The following ZNF730 variants were observed in gnomAD, a reference collection of about 807,000 sequenced individuals.
ZNF730 encodes putative zinc finger protein 730.
A neutral mutation model predicts 12.6 loss-of-function variants in ZNF730; 12 were observed. The ratio of observed to expected loss-of-function variants is 0.95; its 90% CI spans 0.61 to 1.54. ZNF730 has a LOEUF of 1.54. ZNF730 is among the 40% of genes most tolerant of loss of function. The pLI, the probability that ZNF730 is intolerant of heterozygous loss-of-function variation, is 0.00. For synonymous variants in ZNF730, 194 were observed against 195.8 expected (o/e 0.99, Z 0.08); for missense variants, 643 against 583.5 (o/e 1.10, Z -1.05).
At chr19:23,116,677 C>A (rs1448981389), upstream of ZNF730, among the ~76,000 whole-genome samples, 3 of 151,600 alleles carry the variant, frequency 2.0e-5, no homozygotes, top group African/African-American at 7.3e-5. Context: ...CGCCTCGGCC[C>A]CCCAAAGTGC....
At chr19:23,118,026 A>C (rs1357200624) in intron 1 of ZNF730, among the ~76,000 whole-genome samples, 1 of 152,094 alleles carries the variant, frequency 6.6e-6, no homozygotes, top group African/African-American at 2.4e-5. Flanking sequence ...TCTACCCCTC[A>C]ACCCCCATTC....
chr19:23,120,523 C>T (rs898684524), intron 1 of ZNF730, among the ~76,000 whole-genome samples: 3 of 151,690 alleles, frequency 2.0e-5, no homozygotes, highest in African/African-American at 7.2e-5. Context: ...GGTAATGTCG[C>T]TTTTGTCATT....
Position 23,146,780 on chromosome 19 carries a change from G to C in ZNF730, c.*224G>C. ...AATCTTCACACCTTACTACACATAA[G>C]ATAATTCATACTGGAGAGAAACCCT... On this transcript the variant is annotated 3_prime_UTR_variant, in exon 4 of 4. Transcript: ENST00000597761. 2.0e-6 allele frequency: 2 copies of C among 1,004,660 alleles called. No individual in the cohort carries two copies. The highest frequency in any genetic ancestry group is 3.4e-5 in the Admixed American group (2 of 58,188). 62.2% of individuals were successfully genotyped at this position (1,004,660 alleles called of 1,614,324 possible). A position where few individuals can be genotyped will look rare whatever the true frequency, so the allele number is the denominator to read the frequency against.
At chr19:23,105,984 A>C (rs1207455484) in intron 1 of ZNF730, among the ~76,000 whole-genome samples, 1 of 152,254 alleles carries the variant, frequency 6.6e-6, no homozygotes, top group African/African-American at 2.4e-5. Flanking sequence ...GCATTGTAGA[A>C]AAAGAAAGTT....
intron 1 of ZNF730, among the ~76,000 whole-genome samples, chr19:23,107,449 CAA>C (rs57120684): frequency 4.2e-3 from 199 of 47,324 alleles, no homozygotes; most frequent in Admixed American, 9.0e-3. Context: ...AAAAAAATAC[CAA>C]AAAAAAAAAA....
chr19:23,106,581 C>G (rs918589565), intron 1 of ZNF730, among the ~76,000 whole-genome samples: 1 of 151,902 alleles, frequency 6.6e-6, no homozygotes, highest in Admixed American at 6.6e-5. Flanking sequence ...CACCTGAGGT[C>G]GAGAATTTGA....
intron 1 of ZNF730, chr19:23,127,164 C>T (rs1224759504): frequency 5.6e-6 from 3 of 536,926 alleles, no homozygotes; most frequent in South Asian, 1.6e-5. Context: ...TTTGTTCATG[C>T]TCAAAGAAAT....
chr19:23,091,056 C>T (rs1209700860), intron 1 of ZNF730, among the ~76,000 whole-genome samples: 2 of 151,878 alleles, frequency 1.3e-5, no homozygotes, highest in African/African-American at 2.4e-5. Flanking sequence ...CCCAGGGTCC[C>T]CATGCTGTGT....
intron 1 of ZNF730, among the ~76,000 whole-genome samples, chr19:23,108,804 C>T (rs554387688): frequency 4.4e-4 from 67 of 152,188 alleles, no homozygotes; most frequent in African/African-American, 1.5e-3. Context: ...GGCTGGAGCA[C>T]GGTGGTGCGA....
chr19:23,085,691 T>G (rs1222646586), intron 1 of ZNF730, among the ~76,000 whole-genome samples: 4 of 150,474 alleles, frequency 2.7e-5, no homozygotes, highest in Non-Finnish European at 5.9e-5. Flanking sequence ...TTTTTTTGTA[T>G]TTTTAGTAGA....
chr19:23,139,279 A>T (rs1398439039), intron 3 of ZNF730, among the ~76,000 whole-genome samples: 1 of 152,156 alleles, frequency 6.6e-6, no homozygotes, highest in African/African-American at 2.4e-5. Flanking sequence ...CTTTGCTTCT[A>T]AGCTTGGATT....
upstream of ZNF730, among the ~76,000 whole-genome samples, chr19:23,114,469 G>C (rs1459213229): frequency 6.8e-6 from 1 of 147,480 alleles, no homozygotes; most frequent in Non-Finnish European, 1.5e-5. Flanking sequence ...ATCACACCCG[G>C]CTAATTTTTT....
upstream of ZNF730, among the ~76,000 whole-genome samples, chr19:23,112,381 G>A (rs1287524199): frequency 6.6e-6 from 1 of 152,110 alleles, no homozygotes; most frequent in Admixed American, 6.6e-5. Flanking sequence ...TATATGTAGA[G>A]AATTTTGCAG....
At chr19:23,091,979 T>C (rs1970167281) in intron 1 of ZNF730, among the ~76,000 whole-genome samples, 1 of 152,136 alleles carries the variant, frequency 6.6e-6, no homozygotes, top group Non-Finnish European at 1.5e-5. Context: ...CCCATTCAAA[T>C]CTCAACTTGA....
intron 1 of ZNF730, among the ~76,000 whole-genome samples, chr19:23,107,472 A>AAAC (rs1387541036): frequency 1.3e-5 from 2 of 149,794 alleles, no homozygotes; most frequent in African/African-American, 4.9e-5. Flanking sequence ...AAAAAAAAAA[A>AAAC]AAACCACCAC....
chr19:23,102,087 ATC>A (rs1407109320), intron 1 of ZNF730, among the ~76,000 whole-genome samples: 1 of 152,090 alleles, frequency 6.6e-6, no homozygotes, highest in Non-Finnish European at 1.5e-5. Context: ...CTTGTGACAT[ATC>A]TCTGCATCAG....
chr19:23,119,992 C>CTTTTTTTTT (rs539722897), intron 1 of ZNF730, among the ~76,000 whole-genome samples: 1 of 132,580 alleles, frequency 7.5e-6, no homozygotes, highest in Non-Finnish European at 1.6e-5. Context: ...CACTTTCTTT[C>CTTTTTTTTT]TTTTTTTTTT....
intron 1 of ZNF730, among the ~76,000 whole-genome samples, chr19:23,107,514 A>G (rs906308161): frequency 7.1e-6 from 1 of 139,896 alleles, no homozygotes. Context: ...TTTAAAGTAG[A>G]GACAGGGTCT....
intron 1 of ZNF730, among the ~76,000 whole-genome samples, chr19:23,104,795 C>T (rs1339493438): frequency 6.6e-6 from 1 of 152,110 alleles, no homozygotes; most frequent in Admixed American, 6.6e-5. Flanking sequence ...GCCCTCATAT[C>T]CTTGTCTACA....
Sources: gnomAD v4.1 joint callset for allele counts (sites outside exome capture counted in the v4.1 genomes callset) on GRCh38, gnomAD v4.1.1 for gene constraint, MANE v1.5 for transcripts, NCBI Gene and HGNC (gene_info 2026-07-23, HGNC 2026-07-21) for gene names.